KIF16B: variants seen among roughly 807,000 people sequenced by gnomAD.
KIF16B encodes the protein kinesin family member 16B.
A neutral mutation model predicts 156.3 loss-of-function variants in KIF16B; 98 were observed. The ratio of observed to expected loss-of-function variants is 0.63; its 90% CI spans 0.53 to 0.74. KIF16B has a LOEUF of 0.74. Among genes scored for constraint, KIF16B ranks in the 30% least tolerant of loss-of-function variants. The probability of loss-of-function intolerance (pLI) is 0.00; values close to 1 mark genes in which losing one functional copy is unlikely to be tolerated. For missense variants in KIF16B, 1,421 were observed against 1,606.5 expected (o/e 0.88, Z 1.97); for synonymous variants, 564 against 583.7 (o/e 0.97, Z 0.49).
intron 24 of KIF16B, among the ~76,000 whole-genome samples, chr20:16,328,156 T>C (rs1386815490): frequency 6.6e-6 from 1 of 152,212 alleles, no homozygotes; most frequent in Non-Finnish European, 1.5e-5. Flanking sequence ...CTAGTCGTTT[T>C]CTTCCCTCCC....
At chr20:16,499,588 A>G (rs2068557008) in intron 10 of KIF16B, among the ~76,000 whole-genome samples, 1 of 152,252 alleles carries the variant, frequency 6.6e-6, no homozygotes, top group African/African-American at 2.4e-5. Flanking sequence ...GGCAGATGTT[A>G]GTATTACTGC....
chr20:16,545,171 G>A (rs1236455678), intron 1 of KIF16B, among the ~76,000 whole-genome samples: 1 of 152,114 alleles, frequency 6.6e-6, no homozygotes, highest in Non-Finnish European at 1.5e-5. Context: ...AGATACGGCT[G>A]TGCACGTGGC....
At chr20:16,538,291 T>C (rs905238829) in intron 1 of KIF16B, among the ~76,000 whole-genome samples, 2 of 152,172 alleles carry the variant, frequency 1.3e-5, no homozygotes, top group Non-Finnish European at 2.9e-5. Context: ...GGCACTGAGA[T>C]TACCCAGCCT....
At chr20:16,398,749 C>T (rs913781130) in intron 17 of KIF16B, among the ~76,000 whole-genome samples, 4 of 152,032 alleles carry the variant, frequency 2.6e-5, no homozygotes, top group African/African-American at 7.2e-5. Flanking sequence ...GAGCCAATTG[C>T]GGAAGGAAAA....
intron 1 of KIF16B, among the ~76,000 whole-genome samples, chr20:16,530,595 C>T (rs73101048): frequency 0.15 from 22,705 of 152,288 alleles, 2,110 homozygotes; most frequent in Non-Finnish European, 0.21. Flanking sequence ...GTCTGGCACC[C>T]TGACTGCAGC....
At chr20:16,514,127 T>G (rs2069054558) in intron 4 of KIF16B, among the ~76,000 whole-genome samples, 1 of 152,072 alleles carries the variant, frequency 6.6e-6, no homozygotes, top group Non-Finnish European at 1.5e-5. Context: ...AATTTGTGAG[T>G]GCTTTATAAA....
intron 12 of KIF16B, among the ~76,000 whole-genome samples, chr20:16,439,871 C>G (rs2066746718): frequency 6.6e-6 from 1 of 152,072 alleles, no homozygotes; most frequent in Non-Finnish European, 1.5e-5. Context: ...AAGACCTGCC[C>G]CCGTGATTCA....
intron 23 of KIF16B, among the ~76,000 whole-genome samples, chr20:16,354,340 T>A (rs1043542093): frequency 3.3e-5 from 5 of 152,216 alleles, no homozygotes; most frequent in Non-Finnish European, 7.3e-5. Flanking sequence ...GAGTTCTATG[T>A]GCTGGGGAAT....
rs377412981 is a variant in KIF16B, at chr20:16,371,648, T to G, written c.3447+17A>C. 6.6e-7 allele frequency: 1 copy of G among 1,518,828 alleles called. No individual in the cohort carries two copies. The highest frequency in any genetic ancestry group is 9.1e-7 in the Non-Finnish European group (1 of 1,099,088). 94.1% of individuals were successfully genotyped at this position (1,518,828 alleles called of 1,614,324 possible). A position where few individuals can be genotyped will look rare whatever the true frequency, so the allele number is the denominator to read the frequency against. Reference sequence around the variant, plus strand: ...AACGAACTTGTTACTTCGTGTTACTTGGCTCCTTCAGCTTACCTTCATCGT... The same window carrying G: ...AACGAACTTGTTACTTCGTGTTACTGGGCTCCTTCAGCTTACCTTCATCGT... On this transcript the variant is annotated intron_variant, in intron 21 of 25. Coordinates refer to ENST00000354981, the MANE Select transcript of KIF16B (RefSeq NM_024704.5).
intron 24 of KIF16B, among the ~76,000 whole-genome samples, chr20:16,321,669 A>C (rs1345505501): frequency 6.6e-6 from 1 of 152,078 alleles, no homozygotes; most frequent in East Asian, 1.9e-4. Flanking sequence ...TGAAATCTTC[A>C]CAGTATTCTC....
intron 24 of KIF16B, among the ~76,000 whole-genome samples, chr20:16,325,250 G>C (rs2063826932): frequency 6.6e-6 from 1 of 151,702 alleles, no homozygotes; most frequent in African/African-American, 2.4e-5. Context: ...GCAAGACAAG[G>C]GGGATGCACA....
intron 10 of KIF16B, among the ~76,000 whole-genome samples, chr20:16,498,002 G>A (rs115523282): frequency 1.6e-3 from 248 of 152,278 alleles, no homozygotes; most frequent in African/African-American, 5.8e-3. Flanking sequence ...CTTTTAATAT[G>A]TACAGAGTCC....
At chr20:16,401,547 C>T (rs770253844) in intron 17 of KIF16B, among the ~76,000 whole-genome samples, 10 of 152,198 alleles carry the variant, frequency 6.6e-5, no homozygotes, top group Non-Finnish European at 1.3e-4. Flanking sequence ...AATCTGTTTA[C>T]AGAATTTTTA....
At chr20:16,440,766 T>C (rs972451646) in intron 12 of KIF16B, among the ~76,000 whole-genome samples, 1 of 152,076 alleles carries the variant, frequency 6.6e-6, no homozygotes, top group African/African-American at 2.4e-5. Context: ...ACAGAAACTC[T>C]TGGGGCAGTT....
chr20:16,355,919 A>AATATT (rs2064432109), intron 23 of KIF16B, among the ~76,000 whole-genome samples: 1 of 152,198 alleles, frequency 6.6e-6, no homozygotes, highest in Admixed American at 6.5e-5. Context: ...CTGTGACATA[A>AATATT]ATATTATTAG....
intron 12 of KIF16B, among the ~76,000 whole-genome samples, chr20:16,486,909 C>T (rs1202641241): frequency 6.6e-6 from 1 of 152,026 alleles, no homozygotes; most frequent in Non-Finnish European, 1.5e-5. Context: ...ATAAAATTAT[C>T]CCCCAGATCT....
rs1177936448 is a variant in KIF16B, at chr20:16,512,849, T to A, written c.423A>T (p.Glu141Asp). The A allele has an allele frequency of 1.2e-6, 2 of 1,613,844 alleles. No homozygotes were observed. Among genetic ancestry groups the A allele is most frequent in the Admixed American group, 1.7e-5 (1 of 60,030 alleles). Residue 141 changes from glutamate (E) to aspartate (D), a missense_variant, in exon 5 of 26, where the codon GAA (glutamate) becomes GAT (aspartate). Coordinates refer to ENST00000354981, the MANE Select transcript of KIF16B (RefSeq NM_024704.5). Reference protein sequence around the residue: ...SRINETTRWDEASFRTEVSYL... With the variant: ...SRINETTRWDDASFRTEVSYL... The stretch of plus-strand genomic sequence containing the variant: ...ACCTGACTTCAGTTCGAAAAGAAGC[T>A]TCATCCCATCTGGTGGTTTCATTTA...
chr20:16,498,686 T>C (rs755706516), intron 10 of KIF16B, among the ~76,000 whole-genome samples: 2 of 152,028 alleles, frequency 1.3e-5, no homozygotes, highest in Non-Finnish European at 2.9e-5. Flanking sequence ...TTAACATAAA[T>C]GTGGTATTCT....
intron 23 of KIF16B, among the ~76,000 whole-genome samples, chr20:16,355,369 T>C (rs2064418797): frequency 6.6e-6 from 1 of 152,186 alleles, no homozygotes; most frequent in African/African-American, 2.4e-5. Context: ...ACTGGTACTT[T>C]CCAATTTCCT....
Sources: gnomAD v4.1 joint callset for allele counts (sites outside exome capture counted in the v4.1 genomes callset) on GRCh38, gnomAD v4.1.1 for gene constraint, MANE v1.5 for transcripts, NCBI Gene and HGNC (gene_info 2026-07-23, HGNC 2026-07-21) for gene names.